The following PCDHA2 variants were observed in gnomAD, a reference collection of about 807,000 sequenced individuals.
PCDHA2 encodes protocadherin alpha-2.
PCDHA2 carries 58 observed loss-of-function variants against 66.0 expected under a neutral mutation model. The observed-to-expected ratio is 0.88, with a 90% CI of 0.71 to 1.09. The LOEUF is 1.09. Among genes scored for constraint, PCDHA2 ranks in the 50% least tolerant of loss-of-function variants. The probability of loss-of-function intolerance (pLI) is 0.00; values close to 1 mark genes in which losing one functional copy is unlikely to be tolerated. For missense variants in PCDHA2, 1,267 were observed against 1,242.3 expected, an observed-to-expected ratio of 1.02 and a Z score of -0.30; for synonymous variants, 634 against 554.0, an observed-to-expected ratio of 1.14 and a Z score of -2.03.
In PCDHA2 at chr5:140,877,360, G is replaced by A. The variant is rs199937567; in HGVS notation, c.2388+80008G>A. Reference sequence around the variant, plus strand: ...GTTCCACGTGGGGCTGTACACTGGCGAGATCAGCACGACACGCATCCTGGA... The same window carrying A: ...GTTCCACGTGGGGCTGTACACTGGCAAGATCAGCACGACACGCATCCTGGA... On this transcript the variant is annotated intron_variant, in intron 1 of 3. Coordinates refer to ENST00000526136, the MANE Select transcript of PCDHA2 (RefSeq NM_018905.3). 63 of 1,614,022 alleles carry A rather than the reference G, an allele frequency of 3.9e-5. No individual in the cohort carries two copies. The highest frequency in any genetic ancestry group is 6.7e-5 in the Admixed American group (4 of 60,028).
chr5:140,888,233 C>T (rs544193607), intron 1 of PCDHA2, among the ~76,000 whole-genome samples: 6 of 152,142 alleles, frequency 3.9e-5, no homozygotes, highest in South Asian at 4.1e-4. Flanking sequence ...CATGTGTGTG[C>T]GTGTTCCTTT....
rs371960819 is a variant in PCDHA2, at chr5:140,928,197, T to C, written c.2389-50752T>C. The C allele has an allele frequency of 1.9e-5, 30 of 1,614,192 alleles. 1 individual carries two copies. In the African/African-American group the frequency reaches 2.0e-4, roughly 11 times the overall value. On this transcript the variant is annotated intron_variant, in intron 1 of 3. Coordinates refer to ENST00000526136, the MANE Select transcript of PCDHA2 (RefSeq NM_018905.3). Reference sequence around the variant, plus strand: ...CCCGAAGGACAATCACTGTGTCAGTTGCTGATGTGAATGACAATACACCAA... The same window carrying C: ...CCCGAAGGACAATCACTGTGTCAGTCGCTGATGTGAATGACAATACACCAA...
At chr5:140,883,041 G>A (rs2059417348) in intron 1 of PCDHA2, 1 of 1,613,960 alleles carries the variant, frequency 6.2e-7, no homozygotes, top group African/African-American at 1.3e-5. Context: ...GCCTTCAATG[G>A]AACATTAGTG....
chr5:140,938,944 A>G (rs551824557), intron 1 of PCDHA2, among the ~76,000 whole-genome samples: 2 of 152,236 alleles, frequency 1.3e-5, no homozygotes, highest in South Asian at 2.1e-4. Context: ...TTCCATTCTT[A>G]TAATGCTCTA....
intron 1 of PCDHA2, chr5:140,862,986 T>C (rs897931834): frequency 3.7e-6 from 2 of 546,930 alleles, no homozygotes; most frequent in Non-Finnish European, 3.6e-6. Flanking sequence ...GTGGCGAAGG[T>C]GCGCACGGTG....
chr5:140,993,462 T>TCACACACACACA (rs3836747), intron 3 of PCDHA2, among the ~76,000 whole-genome samples: 55 of 141,044 alleles, frequency 3.9e-4, no homozygotes, highest in Non-Finnish European at 5.3e-4. Context: ...TCTTTCTTTC[T>TCACACACACACA]CACACACACA....
chr5:140,824,178 T>C, intron 1 of PCDHA2: 1 of 1,608,694 alleles, frequency 6.2e-7, no homozygotes, highest in Non-Finnish European at 8.5e-7. Context: ...TTTCAAATAT[T>C]AAATGTCACA....
rs2150490621 is a variant in PCDHA2 at position 140,850,594 on chromosome 5, T to C, written c.2388+53242T>C. The C allele has an allele frequency of 2.5e-6, 4 of 1,598,338 alleles. No individual in the cohort carries two copies. In the East Asian group the frequency reaches 8.9e-5, roughly 36 times the overall value. The stretch of plus-strand genomic sequence containing the variant: ...ACGCTGGTGGATGTCAACGTGTACC[T>C]GATCATCGCCATCTGCGCGGTGTCT... On this transcript the variant is annotated intron_variant, in intron 1 of 3. Coordinates refer to ENST00000526136, the MANE Select transcript of PCDHA2 (RefSeq NM_018905.3).
chr5:140,837,762 A>G (rs1775250265), intron 1 of PCDHA2, among the ~76,000 whole-genome samples: 2 of 151,650 alleles, frequency 1.3e-5, no homozygotes, highest in Non-Finnish European at 2.9e-5. Context: ...CTGCAACCTG[A>G]AAGTCCTGGG....
At chr5:140,966,767 A>T in intron 1 of PCDHA2, 1 of 1,484,362 alleles carries the variant, frequency 6.7e-7, no homozygotes, top group South Asian at 1.3e-5. Context: ...GCCAGTGGCT[A>T]TGGAGCAGGC....
chr5:140,992,390 C>T (rs1007853972), intron 3 of PCDHA2, among the ~76,000 whole-genome samples: 1 of 152,082 alleles, frequency 6.6e-6, no homozygotes, highest in Admixed American at 6.6e-5. Context: ...GTGTTCTGGA[C>T]TTAGAGATAT....
Position 140,812,326 on chromosome 5 carries a change from G to A in PCDHA2, c.2388+14974G>A, listed in dbSNP as rs1014995248. The A allele has an allele frequency of 6.6e-5, 10 of 152,006 alleles. No individual in the cohort carries two copies. The East Asian group carries it at 1.9e-3, about 29-fold the overall frequency. The allele number at this position is 152,006 out of a possible 1,614,324, so 9.4% of individuals were successfully genotyped here. On this transcript the variant is annotated intron_variant, in intron 1 of 3. Coordinates refer to ENST00000526136, the MANE Select transcript of PCDHA2 (RefSeq NM_018905.3). ...ATTTTAAAAGCCTCTTATAATTGTGGCATCAGGTGTAATGCCACCTCTTTT... is the reference window on the plus strand; with the variant it reads ...ATTTTAAAAGCCTCTTATAATTGTGACATCAGGTGTAATGCCACCTCTTTT...
intron 3 of PCDHA2, among the ~76,000 whole-genome samples, chr5:140,998,111 T>A (rs1224150326): frequency 1.3e-5 from 2 of 152,108 alleles, no homozygotes; most frequent in African/African-American, 4.8e-5. Flanking sequence ...GAGGAGAAAA[T>A]TTACTTGTGA....
At chr5:140,892,445 T>C (rs1177566356) in intron 1 of PCDHA2, among the ~76,000 whole-genome samples, 1 of 152,214 alleles carries the variant, frequency 6.6e-6, no homozygotes, top group Non-Finnish European at 1.5e-5. Context: ...AAAATTTACA[T>C]GTATTCTTTA....
At chr5:140,931,471 G>GA (rs1215090719) in intron 1 of PCDHA2, among the ~76,000 whole-genome samples, 9 of 151,796 alleles carry the variant, frequency 5.9e-5, no homozygotes, top group Non-Finnish European at 1.0e-4. Context: ...AATGACAGAG[G>GA]AAAAAACAAC....
intron 1 of PCDHA2, chr5:140,802,854 G>C: frequency 6.2e-7 from 1 of 1,613,770 alleles, no homozygotes; most frequent in Non-Finnish European, 8.5e-7. Context: ...GACGCTGCAG[G>C]TGTTCGTGCT....
intron 1 of PCDHA2, chr5:140,824,631 T>TTTTTTTTTTTTTTTTTTTTTTG (rs1768292344): frequency 8.2e-6 from 1 of 121,430 alleles, no homozygotes; most frequent in Non-Finnish European, 1.7e-5. Context: ...TTTTTTTTTT[T>TTTTTTTTTTTTTTTTTTTTTTG]TATTTTCTGT....
Position 140,906,278 on chromosome 5 carries a change from C to T in PCDHA2, c.2389-72671C>T, listed in dbSNP as rs546102354. On this transcript the variant is annotated intron_variant, in intron 1 of 3. Coordinates refer to ENST00000526136, the MANE Select transcript of PCDHA2 (RefSeq NM_018905.3). ...ACCTCCTGAAATTATAGATAATCTT[C>T]AAATTAAGACAATAATAAGGTCATA... Among the ~76,000 whole-genome samples the T allele has an allele frequency of 4.6e-5, 7 of 152,270 alleles. No homozygotes were observed. In the South Asian group the frequency reaches 6.2e-4, roughly 14 times the overall value.
intron 3 of PCDHA2, among the ~76,000 whole-genome samples, chr5:141,007,300 T>C (rs185284872): frequency 6.6e-6 from 1 of 151,058 alleles, no homozygotes; most frequent in Admixed American, 6.6e-5. Context: ...CCTGTAATCT[T>C]AGCATTTTGG....
Sources: gnomAD v4.1 joint callset for allele counts (sites outside exome capture counted in the v4.1 genomes callset) on GRCh38, gnomAD v4.1.1 for gene constraint, MANE v1.5 for transcripts, NCBI Gene and HGNC (gene_info 2026-07-23, HGNC 2026-07-21) for gene names.